RBFOX2: variants seen among roughly 807,000 people sequenced by gnomAD.
RBFOX2 encodes RNA binding fox-1 homolog 2.
In RBFOX2, 10 loss-of-function variants were observed where a neutral mutation model predicts 49.1. That is an observed-to-expected ratio of 0.20 (90% CI 0.13 to 0.35). The LOEUF is 0.35. Ranked by LOEUF, RBFOX2 falls within the 10% of genes least tolerant of loss-of-function variation. The pLI is 1.00. For synonymous variants in RBFOX2, 183 were observed against 187.4 expected (o/e 0.98, Z 0.19); for missense variants, 323 against 486.9 (o/e 0.66, Z 3.17).
At chr22:35,898,333 G>A in intron 1 of RBFOX2, 1 of 702,684 alleles carries the variant, frequency 1.4e-6, no homozygotes, top group South Asian at 1.5e-5. Flanking sequence ...ACACGGATGT[G>A]GCTATTGCAG....
chr22:35,810,008 A>C lies in RBFOX2; in HGVS notation c.28-4T>G, dbSNP rs746942102. On this transcript the variant is annotated splice_region_variant and splice_polypyrimidine_tract_variant and intron_variant, in intron 1 of 11. Transcript: ENST00000405409. ...TTGTTGTCGGCTCCTGGTTACCCTA[A>C]AACAAACAACAAGAGAAAGAAAAAG... 6.2e-7 allele frequency: 1 copy of C among 1,613,882 alleles called. No homozygotes were observed. The highest frequency in any genetic ancestry group is 8.5e-7 in the Non-Finnish European group (1 of 1,179,840).
At chr22:35,768,480 G>T in intron 4 of RBFOX2, 131 bp from the exon 6 acceptor site, 2 of 736,428 alleles carry the variant, frequency 2.7e-6, no homozygotes, top group Non-Finnish European at 4.4e-6. Context: ...ATCTCCCAAA[G>T]TCACATTTTT....
intron 1 of RBFOX2, among the ~76,000 whole-genome samples, chr22:35,866,003 G>A (rs2043639950): frequency 1.3e-5 from 2 of 152,170 alleles, no homozygotes; most frequent in Admixed American, 1.3e-4. Context: ...ATGCACTGGG[G>A]ATAAATTAGA....
intron 1 of RBFOX2, chr22:35,992,341 TTAAG>T (rs1277155645): frequency 6.6e-6 from 1 of 152,040 alleles, no homozygotes; most frequent in Non-Finnish European, 1.5e-5. Flanking sequence ...GAAACTATGT[TTAAG>T]TATTCAACTA....
At chr22:35,840,290 AC>A (rs1051879426) in exon 1 of RBFOX2, 267 of 1,591,920 alleles carry the variant, frequency 1.7e-4, no homozygotes, top group Admixed American at 8.5e-5. Context: ...TTTCTTTTCC[AC>A]CCCCCTCCCC....
At chr22:35,996,953 ACAC>A (rs1029043884) in intron 1 of RBFOX2, 4 of 152,234 alleles carry the variant, frequency 2.6e-5, no homozygotes, top group South Asian at 2.1e-4. Flanking sequence ...ATGGTGACTG[ACAC>A]CACAAGTCCA....
At chr22:35,934,633 A>AG (rs1183409248) in intron 1 of RBFOX2, among the ~76,000 whole-genome samples, 3 of 152,128 alleles carry the variant, frequency 2.0e-5, no homozygotes, top group African/African-American at 7.2e-5. Flanking sequence ...GACCCCCATC[A>AG]CTTTCTAGGA....
At chr22:35,747,272 T>C (rs556964771) in intron 9 of RBFOX2, 4 of 152,374 alleles carry the variant, frequency 2.6e-5, no homozygotes, top group African/African-American at 9.6e-5. Context: ...CTACATTTCA[T>C]ACTTGAGCAA....
intron 1 of RBFOX2, among the ~76,000 whole-genome samples, chr22:35,865,085 G>T (rs1423199556): frequency 6.6e-6 from 1 of 152,128 alleles, no homozygotes; most frequent in Admixed American, 6.5e-5. Context: ...CTCTTTCATA[G>T]AAAGATAGAT....
intron 9 of RBFOX2, chr22:35,747,696 T>C (rs1181470664): frequency 2.0e-5 from 3 of 152,228 alleles, no homozygotes; most frequent in Admixed American, 6.5e-5. Flanking sequence ...TGCAAATTTT[T>C]ATTATTGGCC....
At chr22:35,860,976 T>C (rs999312797) in intron 1 of RBFOX2, among the ~76,000 whole-genome samples, 3 of 152,106 alleles carry the variant, frequency 2.0e-5, no homozygotes, top group Non-Finnish European at 4.4e-5. Flanking sequence ...AATACTCACA[T>C]CCCTATAAGA....
At chr22:36,028,716 CG>C in exon 1 of RBFOX2, among the ~76,000 whole-genome samples, 1 of 151,460 alleles carries the variant, frequency 6.6e-6, no homozygotes, top group Non-Finnish European at 1.5e-5. Flanking sequence ...AAACCCGGCC[CG>C]GCCCGCCGCG....
upstream of RBFOX2, among the ~76,000 whole-genome samples, chr22:35,965,964 C>A (rs2056536621): frequency 6.6e-6 from 1 of 152,104 alleles, no homozygotes; most frequent in Non-Finnish European, 1.5e-5. Flanking sequence ...CATCCCCCCG[C>A]CCCCTGCCAT....
chr22:36,011,517 G>A (rs909203658), intron 1 of RBFOX2, among the ~76,000 whole-genome samples: 4 of 151,988 alleles, frequency 2.6e-5, no homozygotes, highest in South Asian at 2.1e-4. Flanking sequence ...AAACTGATAC[G>A]AAATAATTTC....
intron 1 of RBFOX2, among the ~76,000 whole-genome samples, chr22:35,914,280 T>C (rs80246579): frequency 0.039 from 5,922 of 152,172 alleles, 172 homozygotes; most frequent in Non-Finnish European, 0.057. Context: ...AGGTAACAAA[T>C]AAAAACAAAC....
At chr22:36,012,181 A>G (rs1371440111) in intron 1 of RBFOX2, among the ~76,000 whole-genome samples, 6 of 152,226 alleles carry the variant, frequency 3.9e-5, no homozygotes, top group African/African-American at 9.6e-5. Flanking sequence ...AATGTTTTCA[A>G]TATTAAATAT....
chr22:35,868,619 T>G (rs370755532), intron 1 of RBFOX2, among the ~76,000 whole-genome samples: 2 of 151,930 alleles, frequency 1.3e-5, no homozygotes, highest in South Asian at 4.2e-4. Context: ...ACTAGCCAGG[T>G]GTGGTGGCAC....
At chr22:35,763,077 T>C (rs915402878) in intron 6 of RBFOX2, among the ~76,000 whole-genome samples, 1 of 152,180 alleles carries the variant, frequency 6.6e-6, no homozygotes, top group South Asian at 2.1e-4. Flanking sequence ...ATTAAGAGAT[T>C]CCAACCAACC....
intron 1 of RBFOX2, among the ~76,000 whole-genome samples, chr22:36,005,800 T>C (rs1027872013): frequency 1.7e-4 from 26 of 152,220 alleles, no homozygotes; most frequent in African/African-American, 6.3e-4. Context: ...GCCAATCGTT[T>C]CTCATAACGT....
Sources: allele counts gnomAD v4.1 joint callset (sites outside exome capture counted in the v4.1 genomes callset), GRCh38; gene constraint gnomAD v4.1.1; transcripts MANE v1.5; gene names NCBI Gene and HGNC (gene_info 2026-07-23, HGNC 2026-07-21).